The following CALR variants were observed in gnomAD, a reference collection of about 807,000 sequenced individuals.
CALR encodes the protein CRP55.
CALR carries 15 observed loss-of-function variants against 51.1 expected under a neutral mutation model. That is an observed-to-expected ratio of 0.29 (90% CI 0.20 to 0.45). CALR has a LOEUF of 0.45. Ranked by LOEUF, CALR falls within the 20% of genes least tolerant of loss-of-function variation. The pLI, the probability that CALR is intolerant of heterozygous loss-of-function variation, is 1.00. For synonymous variants in CALR, 239 were observed against 205.9 expected (o/e 1.16, Z -1.38); for missense variants, 477 against 530.6 (o/e 0.90, Z 0.99).
At chr19:12,939,065 C>T in intron 1 of CALR, 69 bp from the exon 2 acceptor site, 1 of 922,742 alleles carries the variant, frequency 1.1e-6, no homozygotes, top group Non-Finnish European at 1.7e-6. Flanking sequence ...TTGTGGCTCT[C>T]GGCAGATGTT....
At chr19:12,939,374 G>C in intron 2 of CALR, 54 bp from the exon 3 acceptor site, 2 of 1,571,706 alleles carry the variant, frequency 1.3e-6, no homozygotes, top group Admixed American at 3.4e-5. Context: ...TCTCTAAGTC[G>C]AGGGTCCTCG....
In CALR at chr19:12,939,243, C is replaced by T. The variant is rs199761044; in HGVS notation, c.193+8C>T. ...ACGAGGAGAAAGATAAAGGTAAGAG[C>T]CTAGGAGTGGGTGCTCAGATCCGGG... On this transcript the variant is annotated splice_region_variant and intron_variant, in intron 2 of 8. Coordinates refer to ENST00000316448, the MANE Select transcript of CALR (RefSeq NM_004343.4). 24 of 1,588,994 alleles carry T rather than the reference C, an allele frequency of 1.5e-5. No homozygotes were observed. The South Asian group carries it at 2.1e-4, about 14-fold the overall frequency.
rs755559115 is a variant in CALR at position 12,940,372 on chromosome 19, A to G, written c.622A>G (p.Ile208Val). The change falls in exon 5 of 9, where the codon ATA (isoleucine) becomes GTA (valine). Residue 208 changes from isoleucine to valine, a missense_variant. Physicochemically the swap from Ile to Val is conservative, Grantham distance 29. Coordinates refer to ENST00000316448, the MANE Select transcript of CALR (RefSeq NM_004343.4). ...TTGGGACTTCCTGCCACCCAAGAAGATAAAGGATCCTGATGCTTCAAAACC... is the reference window on the plus strand; with the variant it reads ...TTGGGACTTCCTGCCACCCAAGAAGGTAAAGGATCCTGATGCTTCAAAACC... Reference protein sequence around the residue: ...DDWDFLPPKKIKDPDASKPED... With the variant: ...DDWDFLPPKKVKDPDASKPED... 2 of 1,614,198 alleles carry G rather than the reference A, an allele frequency of 1.2e-6. No individual in the cohort carries two copies. The highest frequency in any genetic ancestry group is 1.7e-6 in the Non-Finnish European group (2 of 1,180,022).
intron 3 of CALR, 76 bp from the exon 4 acceptor site, chr19:12,939,977 C>A: frequency 3.8e-6 from 4 of 1,064,630 alleles, no homozygotes; most frequent in South Asian, 2.6e-5. Context: ...ACCAGGTCTT[C>A]CTTTTATAAA....
At chr19:12,939,318 C>A (rs565251905) in intron 2 of CALR, 83 bp downstream of exon 2, 180 of 1,438,666 alleles carry the variant, frequency 1.3e-4, no homozygotes, top group Middle Eastern at 1.7e-4. Flanking sequence ...CCGGGACAGT[C>A]CCCTTGGAGG....
intron 7 of CALR, among the ~76,000 whole-genome samples, chr19:12,942,026 GCACTC>G (rs1321594524): frequency 6.6e-6 from 1 of 152,102 alleles, no homozygotes; most frequent in Non-Finnish European, 1.5e-5. Flanking sequence ...TTATGTCACT[GCACTC>G]CAGCCTCGGT....
Position 12,940,590 on chromosome 19 carries a change from A to C in CALR, c.752A>C (p.Glu251Ala). The change falls in exon 6 of 9, where the codon GAG (glutamate) becomes GCG (alanine). Residue 251 changes from glutamate (E) to alanine (A), a missense_variant. Coordinates refer to ENST00000316448, the MANE Select transcript of CALR (RefSeq NM_004343.4). ...HIPDPDAKKP[E>A]DWDEEMDGEW... is the part of the protein sequence containing the mutation. Reference sequence around the variant, plus strand: ...CCTGACCCTGATGCTAAGAAGCCCGAGGACTGGGATGAAGAGATGGACGGA... The same window carrying C: ...CCTGACCCTGATGCTAAGAAGCCCGCGGACTGGGATGAAGAGATGGACGGA... 6.2e-7 allele frequency: 1 copy of C among 1,614,192 alleles called. No individual in the cohort carries two copies. Among genetic ancestry groups the C allele is most frequent in the African/African-American group, 1.3e-5 (1 of 75,038 alleles).
intron 7 of CALR, among the ~76,000 whole-genome samples, chr19:12,942,751 C>T (rs1462824435): frequency 6.6e-6 from 1 of 151,464 alleles, no homozygotes; most frequent in Non-Finnish European, 1.5e-5. Flanking sequence ...TGCGCCACGA[C>T]GCTGGGCTTT....
chr19:12,940,021 C>G (rs1971523856), intron 3 of CALR, 32 bp from the exon 4 acceptor site: 8 of 1,492,304 alleles, frequency 5.4e-6, no homozygotes, highest in Non-Finnish European at 7.5e-6. Context: ...TGGGTAGTCT[C>G]TGACTCTTAA....
chr19:12,939,111 T>G, intron 1 of CALR, 23 bp from the exon 2 acceptor site: 1 of 1,415,584 alleles, frequency 7.1e-7, no homozygotes, highest in South Asian at 1.2e-5. Context: ...CGCTCTGACC[T>G]ACCCCTCTAA....
intron 7 of CALR, among the ~76,000 whole-genome samples, chr19:12,942,699 A>G (rs1971565690): frequency 6.8e-6 from 1 of 148,002 alleles, no homozygotes; most frequent in African/African-American, 2.5e-5. Context: ...GGTTCAAGTG[A>G]TTCTCATGCC....
At chr19:12,942,962 C>T (rs918678697) in intron 7 of CALR, among the ~76,000 whole-genome samples, 1 of 151,978 alleles carries the variant, frequency 6.6e-6, no homozygotes, top group Non-Finnish European at 1.5e-5. Flanking sequence ...CACTATGTTG[C>T]CCAGGTTGGT....
intron 7 of CALR, among the ~76,000 whole-genome samples, chr19:12,941,301 AT>A (rs537663050): frequency 1.5e-4 from 22 of 148,448 alleles, no homozygotes; most frequent in Non-Finnish European, 2.5e-4. Context: ...TACAAAAAAA[AT>A]TTTTTTTTTT....
intron 1 of CALR, 131 bp from the exon 2 acceptor site, chr19:12,939,003 C>T: frequency 1.4e-6 from 1 of 729,906 alleles, no homozygotes; most frequent in Non-Finnish European, 2.5e-6. Context: ...ACGTGTCAAA[C>T]TAGAGGTTGG....
chr19:12,938,850 T>A, intron 1 of CALR, 80 bp downstream of exon 1: 1 of 1,121,826 alleles, frequency 8.9e-7, no homozygotes, highest in African/African-American at 1.5e-5. Flanking sequence ...CGCCCGTAAT[T>A]ACCGTTTAGA....
chr19:12,943,077 CTTTTTTT>C (rs56396276), intron 7 of CALR: 32 of 77,436 alleles, frequency 4.1e-4, no homozygotes, highest in African/African-American at 2.2e-3. Context: ...ATCTTTCCAT[CTTTTTTT>C]TTTTTTTTTT....
At chr19:12,943,384 CA>C in intron 7 of CALR, 152 bp from the exon 8 acceptor site, 1 of 739,498 alleles carries the variant, frequency 1.4e-6, no homozygotes, top group Non-Finnish European at 2.4e-6. Context: ...CTGGCCTCTC[CA>C]TCTTTTTAAC....
In CALR at chr19:12,938,649, G is replaced by C; in HGVS notation, c.-31G>C. On this transcript the variant is annotated 5_prime_UTR_variant, in exon 1 of 9. Transcript: ENST00000316448. ...CCGCTGCCGGAGGGTCGTTTTAAAG[G>C]GCCCGCGCGTTGCCGCCCCCTCGGC... 1 of 1,566,572 alleles carries C rather than the reference G, an allele frequency of 6.4e-7. No individual in the cohort carries two copies. The highest frequency in any genetic ancestry group is 1.1e-5 in the South Asian group (1 of 87,790).
At position 12,943,814 on chromosome 19, in the gene CALR, G is replaced by T. The variant is rs1159150142; in HGVS notation, c.1155G>T (p.Lys385Asn). 3 of 1,583,188 alleles carry T rather than the reference G, an allele frequency of 1.9e-6. No homozygotes were observed. The East Asian group carries it at 6.9e-5, about 36-fold the overall frequency. ...AAGAGGAGGAGGAGGCAGAGGACAA[G>T]GAGGATGATGAGGACAAAGATGAGG... Reference protein sequence around the residue: ...KRKEEEEAEDKEDDEDKDEDE... With the variant: ...KRKEEEEAEDNEDDEDKDEDE... The change falls in exon 9 of 9, where the codon AAG (lysine) becomes AAT (asparagine). Residue 385 changes from lysine (K) to asparagine (N), a missense_variant. By Grantham distance (94) the Lys-to-Asn change is moderately conservative (BLOSUM62 0). Coordinates refer to ENST00000316448, the MANE Select transcript of CALR (RefSeq NM_004343.4).
Sources: allele counts gnomAD v4.1 joint callset (sites outside exome capture counted in the v4.1 genomes callset), GRCh38; gene constraint gnomAD v4.1.1; transcripts MANE v1.5; gene names NCBI Gene and HGNC (gene_info 2026-07-23, HGNC 2026-07-21).